The following KMT2C variants were observed in gnomAD, a reference collection of about 807,000 sequenced individuals.
KMT2C encodes the protein lysine methyltransferase 2C.
Under a neutral mutation model 507.9 loss-of-function variants are expected in KMT2C, and 88 were observed. The ratio of observed to expected loss-of-function variants is 0.17; its 90% confidence interval spans 0.15 to 0.21. KMT2C has a LOEUF of 0.21. Ranked by LOEUF, KMT2C falls within the 10% of genes least tolerant of loss-of-function variation. The pLI is 1.00. For synonymous variants in KMT2C, 2,049 were observed against 2,080.8 expected (o/e 0.98, Z 0.42); for missense variants, 4,954 against 5,957.8 (o/e 0.83, Z 5.55).
Position 152,138,746 on chromosome 7 carries a change from T to C in KMT2C, c.14643+50A>G. Reference sequence around the variant, plus strand: ...AGTGACCTGTGTGAGGAGGGAACTATTCGCCCAGGATCTGAACAACATGGC... The same window carrying C: ...AGTGACCTGTGTGAGGAGGGAACTACTCGCCCAGGATCTGAACAACATGGC... On this transcript the variant is annotated intron_variant, in intron 58 of 58. Coordinates refer to ENST00000262189, the MANE Select transcript of KMT2C (RefSeq NM_170606.3). This position sits in a 1 kb window ranked among gnomAD's most constrained non-coding sequence, Gnocchi z 4.2. The C allele has an allele frequency of 8.8e-7, 1 of 1,135,930 alleles. No homozygotes were observed. Among genetic ancestry groups the C allele is most frequent in the Non-Finnish European group, 1.3e-6 (1 of 779,910 alleles). 70.4% of individuals were successfully genotyped at this position (1,135,930 alleles called of 1,614,324 possible). A position where few individuals can be genotyped will look rare whatever the true frequency, so the allele number is the denominator to read the frequency against.
chr7:152,228,838 T>C (rs1169036748), intron 18 of KMT2C, among the ~76,000 whole-genome samples: 1 of 152,190 alleles, frequency 6.6e-6, no homozygotes, highest in Admixed American at 6.5e-5. Flanking sequence ...TGGCTTTATA[T>C]ACTCTGTGTT....
chr7:152,262,335 C>T (rs2095794801), intron 9 of KMT2C, among the ~76,000 whole-genome samples: 1 of 152,178 alleles, frequency 6.6e-6, no homozygotes, highest in Non-Finnish European at 1.5e-5. Flanking sequence ...ACCTGAGGGT[C>T]ATCTCCATCC....
intron 2 of KMT2C, among the ~76,000 whole-genome samples, chr7:152,349,778 G>A (rs966323920): frequency 3.3e-5 from 5 of 152,132 alleles, no homozygotes; most frequent in African/African-American, 1.2e-4. Flanking sequence ...ACCCTTATGT[G>A]AACTATAAAC....
chr7:152,151,086 G>A (rs1338046085), intron 50 of KMT2C, 79 bp from the exon 51 acceptor site: 1 of 840,506 alleles, frequency 1.2e-6, no homozygotes, highest in Non-Finnish European at 1.9e-6. Context: ...TTATTTTTAT[G>A]TTATATTCAA....
intron 46 of KMT2C, among the ~76,000 whole-genome samples, chr7:152,155,190 C>A (rs1467616636): frequency 6.6e-6 from 1 of 152,150 alleles, no homozygotes; most frequent in African/African-American, 2.4e-5. Context: ...TACTGAGGTA[C>A]AGTAGAAAGA....
intron 31 of KMT2C, among the ~76,000 whole-genome samples, chr7:152,188,336 G>A (rs1398213229): frequency 6.6e-6 from 1 of 152,046 alleles, no homozygotes; most frequent in Non-Finnish European, 1.5e-5. Context: ...CCTGTTAGAA[G>A]CAGAATCAAT....
chr7:152,224,389 A>T, intron 19 of KMT2C, 46 bp downstream of exon 19: 1 of 1,569,474 alleles, frequency 6.4e-7, no homozygotes, highest in Non-Finnish European at 8.7e-7. Context: ...GGTATGAGAA[A>T]GCTCTGAACT....
intron 2 of KMT2C, among the ~76,000 whole-genome samples, chr7:152,350,394 A>T (rs2097100944): frequency 1.3e-5 from 2 of 152,230 alleles, no homozygotes; most frequent in African/African-American, 2.4e-5. Flanking sequence ...TATGTTCTGA[A>T]ATATTCATCA....
At chr7:152,315,480 C>G (rs1179025004) in intron 3 of KMT2C, 142 bp from the exon 4 acceptor site, 2 of 602,948 alleles carry the variant, frequency 3.3e-6, no homozygotes, top group Non-Finnish European at 5.8e-6. Context: ...ACAGTCTATT[C>G]AGTGATTACC....
intron 15 of KMT2C, among the ~76,000 whole-genome samples, chr7:152,237,231 G>C (rs1304448037): frequency 1.3e-5 from 2 of 152,260 alleles, no homozygotes; most frequent in African/African-American, 4.8e-5. Context: ...ATCATAGTTT[G>C]AAATGAACTT....
In KMT2C at chr7:152,181,472, G is replaced by A; in HGVS notation, c.6388C>T (p.Pro2130Ser). ...GTISRPTSQD[P>S]YSQPPGTPRP... is the part of the protein sequence containing the mutation. ...GGAGTTCCTGGGGGTTGGGAGTATG[G>A]GTCCTGAGATGTTGGCCTTGATATG... Residue 2130 changes from proline to serine, a missense_variant, in exon 36 of 59, where the codon CCA (proline) becomes TCA (serine). Transcript: ENST00000262189. 1 of 1,614,040 alleles carries A rather than the reference G, an allele frequency of 6.2e-7. No individual in the cohort carries two copies. The highest frequency in any genetic ancestry group is 8.5e-7 in the Non-Finnish European group (1 of 1,179,998).
At position 152,135,324 on chromosome 7, in the gene KMT2C, A is replaced by C. The variant is rs1441864040; in HGVS notation, c.*1508T>G. On this transcript the variant is annotated 3_prime_UTR_variant, in exon 59 of 59. Coordinates refer to ENST00000262189, the MANE Select transcript of KMT2C (RefSeq NM_170606.3). ...TAGCCTGTGAAGTGTCAGTACCAGA[A>C]TTTTAAGTACAAAATAAAAAGCTAA... is the stretch of plus-strand genomic sequence containing the variant. 9.2e-6 allele frequency: 2 copies of C among 217,484 alleles called. No individual in the cohort carries two copies. The highest frequency in any genetic ancestry group is 4.5e-5 in the African/African-American group (2 of 44,508). 13.5% of individuals were successfully genotyped at this position (217,484 alleles called of 1,614,324 possible).
chr7:152,139,549 T>C (rs1483299003), intron 56 of KMT2C, 126 bp downstream of exon 56: 30 of 701,498 alleles, frequency 4.3e-5, no homozygotes, highest in East Asian at 2.8e-4. Flanking sequence ...TATACAGATA[T>C]GGCTTTTGTT....
chr7:152,308,542 G>C (rs2096640514), intron 6 of KMT2C, among the ~76,000 whole-genome samples: 1 of 151,778 alleles, frequency 6.6e-6, no homozygotes, highest in Admixed American at 6.6e-5. Context: ...CGGTGTGGTG[G>C]CACGAGCCTA....
intron 7 of KMT2C, among the ~76,000 whole-genome samples, chr7:152,268,578 A>T (rs913161455): frequency 2.0e-5 from 3 of 152,108 alleles, no homozygotes; most frequent in Non-Finnish European, 4.4e-5. Context: ...CATTAATCTA[A>T]CAATGGAAGC....
rs571793737 is a variant in KMT2C, at chr7:152,324,016, C to A, written c.389+6585G>T. ...AGAACCAGTAGTAGAGTGATGGTAACCAGACACTCGGAGAAGGTAAGGCAG... is the reference window on the plus strand; with the variant it reads ...AGAACCAGTAGTAGAGTGATGGTAAACAGACACTCGGAGAAGGTAAGGCAG... On this transcript the variant is annotated intron_variant, in intron 3 of 58. Transcript: ENST00000262189. 5.3e-5 allele frequency among the ~76,000 whole-genome samples: 8 copies of A among 151,564 alleles called. No homozygotes were observed. In the South Asian group the frequency reaches 1.5e-3, roughly 28 times the overall value.
chr7:152,300,418 A>G (rs537242552), intron 6 of KMT2C, among the ~76,000 whole-genome samples: 1 of 152,336 alleles, frequency 6.6e-6, no homozygotes, highest in East Asian at 1.9e-4. Context: ...CTAGGCAGAG[A>G]GTACACCTAC....
At chr7:152,188,444 G>A (rs1364178304) in intron 31 of KMT2C, among the ~76,000 whole-genome samples, 2 of 151,780 alleles carry the variant, frequency 1.3e-5, no homozygotes, top group Non-Finnish European at 2.9e-5. Context: ...GTAACTATTC[G>A]ACACAATTAA....
intron 1 of KMT2C, chr7:152,367,851 T>G (rs1416223736): frequency 9.9e-7 from 1 of 1,005,234 alleles, no homozygotes; most frequent in Non-Finnish European, 1.6e-6. Context: ...CATTGCTCCT[T>G]CAGGACATGA....
Sources: allele counts gnomAD v4.1 joint callset (sites outside exome capture counted in the v4.1 genomes callset), GRCh38; gene constraint gnomAD v4.1.1; non-coding constraint Gnocchi (gnomAD v3.1); transcripts MANE v1.5; gene names NCBI Gene and HGNC (gene_info 2026-07-23, HGNC 2026-07-21).